Variants in DMBT1 observed in about 807,000 individuals in gnomAD.
DMBT1 encodes deleted in malignant brain tumors 1, also known as scavenger receptor cysteine-rich domain-containing protein DMBT1.
A neutral mutation model predicts 252.9 loss-of-function variants in DMBT1; 198 were observed. That is an observed-to-expected ratio of 0.78 (90% CI 0.70 to 0.88). The LOEUF (loss-of-function observed/expected upper bound fraction) is 0.88, where lower values mean the gene tolerates loss of function less well. DMBT1 is among the 40% of genes least tolerant of loss of function. The pLI is 0.00. For synonymous variants in DMBT1, 990 were observed against 942.7 expected (o/e 1.05, Z -0.92); for missense variants, 2,432 against 2,404.7 (o/e 1.01, Z -0.24).
chr10:122,592,489 T>A lies in DMBT1; in HGVS notation c.2394T>A (p.Asp798Glu). 6.9e-6 allele frequency: 11 copies of A among 1,587,950 alleles called. 2 individuals carry two copies. The highest frequency in any genetic ancestry group is 8.6e-6 in the Non-Finnish European group (10 of 1,165,526). ...AGGGCTCAGGACCCATTGTTCTGGA[T>A]GATGTGCGCTGCTCAGGACACGAGT... The part of the protein sequence containing the change: ...FGQGSGPIVL[D>E]DVRCSGHESY... The change falls in exon 20 of 56, where the codon GAT (aspartate) becomes GAA (glutamate). Residue 798 changes from aspartate (D) to glutamate (E), a missense_variant. Coordinates refer to ENST00000338354, the MANE Select transcript of DMBT1 (RefSeq NM_001377530.1).
chr10:122,629,709 G>A (rs1293706188), intron 46 of DMBT1, 131 bp from the exon 47 acceptor site: 8 of 1,146,938 alleles, frequency 7.0e-6, no homozygotes, highest in Non-Finnish European at 9.9e-6. Flanking sequence ...GAGGGGACTT[G>A]TTTACAGGGA....
intron 46 of DMBT1, 100 bp downstream of exon 46, chr10:122,626,065 C>A: frequency 1.1e-6 from 1 of 923,312 alleles, no homozygotes; most frequent in South Asian, 1.3e-5. Context: ...CAGCCTTCCT[C>A]AATCTGCACA....
Position 122,588,782 on chromosome 10 carries a change from C to T in DMBT1, c.1784-162C>T, listed in dbSNP as rs570204681. 2.0e-4 allele frequency among the ~76,000 whole-genome samples: 30 copies of T among 149,036 alleles called. 1 individual carries two copies. The highest frequency in any genetic ancestry group is 6.8e-4 in the African/African-American group (28 of 41,284). The stretch of plus-strand genomic sequence containing the variant: ...CAAGGAGAATAGTGTATCACCTCTC[C>T]TTCTACTGTGATGAAGCTGAACCTC... On this transcript the variant is annotated intron_variant, in intron 16 of 55. Transcript: ENST00000338354.
chr10:122,632,019 C>G, intron 50 of DMBT1, 144 bp downstream of exon 50: 1 of 943,024 alleles, frequency 1.1e-6, no homozygotes, highest in Non-Finnish European at 1.7e-6. Flanking sequence ...CCTCCCCTGC[C>G]GGCCACCAGG....
In DMBT1 at chr10:122,625,263, T is replaced by G. The variant is rs2098109784; in HGVS notation, c.5609-14T>G. 1 of 1,610,076 alleles carries G rather than the reference T, an allele frequency of 6.2e-7. No individual in the cohort carries two copies. The highest frequency in any genetic ancestry group is 8.5e-7 in the Non-Finnish European group (1 of 1,178,170). ...GCACTGGGACTGACTCATGTTTTCT[T>G]CTTTTCCTTGCAGCCACCCAAATAA... On this transcript the variant is annotated splice_polypyrimidine_tract_variant and intron_variant, in intron 44 of 55. Transcript: ENST00000338354.
intron 1 of DMBT1, among the ~76,000 whole-genome samples, chr10:122,565,481 T>A (rs1336418363): frequency 5.9e-5 from 9 of 152,180 alleles, no homozygotes; most frequent in Admixed American, 5.9e-4. Context: ...AATATAAAGA[T>A]CCAGGGATCT....
At chr10:122,634,390 T>C (rs1591579650) in intron 52 of DMBT1, among the ~76,000 whole-genome samples, 1 of 143,062 alleles carries the variant, frequency 7.0e-6, no homozygotes, top group Non-Finnish European at 1.5e-5. Flanking sequence ...CTTTCTTTCT[T>C]TCTTTCTTTC....
intron 10 of DMBT1, among the ~76,000 whole-genome samples, chr10:122,580,219 G>C (rs981156790): frequency 6.6e-6 from 1 of 152,202 alleles, no homozygotes; most frequent in Non-Finnish European, 1.5e-5. Flanking sequence ...GGGTATAATG[G>C]ATGCAGCACA....
intron 55 of DMBT1, among the ~76,000 whole-genome samples, chr10:122,642,519 C>T (rs1844746120): frequency 6.6e-6 from 1 of 152,108 alleles, no homozygotes; most frequent in Non-Finnish European, 1.5e-5. Flanking sequence ...AGGAGGTGCC[C>T]CAGGGAATGA....
At chr10:122,638,698 G>T (rs911910350) in intron 54 of DMBT1, among the ~76,000 whole-genome samples, 1 of 152,148 alleles carries the variant, frequency 6.6e-6, no homozygotes, top group South Asian at 2.1e-4. Flanking sequence ...TCCTGCCTTG[G>T]CCTCCCAAAT....
chr10:122,591,796 G>T (rs1443429778), intron 19 of DMBT1, among the ~76,000 whole-genome samples: 1 of 149,124 alleles, frequency 6.7e-6, no homozygotes, highest in Admixed American at 6.6e-5. Flanking sequence ...CTACTCCTGG[G>T]ACCTCATTCC....
chr10:122,592,307 G>A lies in DMBT1; in HGVS notation c.2212G>A (p.Gly738Arg). The change falls in exon 20 of 56, where the codon GGA (glycine) becomes AGA (arginine). Residue 738 changes from glycine (G) to arginine (R), a missense_variant. Physicochemically the swap from Gly to Arg is moderately radical, Grantham distance 125. Around this residue, in one of 3 missense-constraint regions of DMBT1, gnomAD observed 1,264 missense variants for 1,082.2 expected, o/e 1.17. Transcript: ENST00000338354. ...CAGTTTGACCCTGAGGCTGGTGAAT[G>A]GAAGTGACAGGTGTCAGGGCCGAGT... ...ESSLTLRLVN[G>R]SDRCQGRVEV... 6.3e-7 allele frequency: 1 copy of A among 1,587,712 alleles called. No homozygotes were observed. The highest frequency in any genetic ancestry group is 8.6e-7 in the Non-Finnish European group (1 of 1,165,666).
In DMBT1 at chr10:122,637,238, G is replaced by C. The variant is rs746193538; in HGVS notation, c.6868G>C (p.Glu2290Gln). ...CATTTCCACCTGGAATGGATACTAC[G>C]AGTGTCGGCCCCAGATAACGCCGAA... The part of the protein sequence containing the change: ...LVISTWNGYY[E>Q]CRPQITPNLV... The change falls in exon 54 of 56, where the codon GAG becomes CAG. Residue 2290 changes from glutamate to glutamine, a missense_variant. Transcript: ENST00000338354. 2.5e-6 allele frequency: 4 copies of C among 1,613,988 alleles called. No homozygotes were observed. The highest frequency in any genetic ancestry group is 3.4e-6 in the Non-Finnish European group (4 of 1,179,902).
At chr10:122,562,046 T>A (rs1001438833) in intron 1 of DMBT1, among the ~76,000 whole-genome samples, 3 of 151,646 alleles carry the variant, frequency 2.0e-5, no homozygotes, top group Admixed American at 2.0e-4. Flanking sequence ...TTTCTCATCA[T>A]CTATTGGGCA....
At chr10:122,600,958 T>C in intron 27 of DMBT1, 33 bp from the exon 28 acceptor site, 1 of 715,676 alleles carries the variant, frequency 1.4e-6, no homozygotes, top group Non-Finnish European at 2.6e-6. Flanking sequence ...CCTTCAAGTC[T>C]AATTCTGTCT....
intron 2 of DMBT1, among the ~76,000 whole-genome samples, chr10:122,567,043 G>C (rs1040817688): frequency 5.9e-5 from 9 of 152,228 alleles, no homozygotes; most frequent in South Asian, 2.1e-4. Flanking sequence ...TTGTGCCCAA[G>C]TTTAATTTTT....
At chr10:122,566,526 G>A (rs1036817402) in intron 2 of DMBT1, among the ~76,000 whole-genome samples, 7 of 151,936 alleles carry the variant, frequency 4.6e-5, no homozygotes, top group Admixed American at 6.6e-5. Context: ...TGGCCAGGAT[G>A]GTCTTGATCT....
intron 7 of DMBT1, among the ~76,000 whole-genome samples, chr10:122,577,563 G>C (rs551669872): frequency 6.6e-6 from 1 of 152,226 alleles, no homozygotes; most frequent in African/African-American, 2.4e-5. Context: ...GGTTGTTGTG[G>C]CCGGTCCCAG....
chr10:122,632,022 C>T, intron 50 of DMBT1, 147 bp downstream of exon 50: 2 of 921,336 alleles, frequency 2.2e-6, no homozygotes, highest in East Asian at 2.5e-5. Context: ...CCCCTGCCGG[C>T]CACCAGGATA....
Sources: gnomAD v4.1 joint callset for allele counts (sites outside exome capture counted in the v4.1 genomes callset) on GRCh38, gnomAD v4.1.1 for gene constraint, gnomAD v4.1.1 regional missense constraint, MANE v1.5 for transcripts, NCBI Gene and HGNC (gene_info 2026-07-23, HGNC 2026-07-21) for gene names.